Variants in TBX5 observed in about 807,000 individuals in gnomAD.
TBX5 encodes T-box transcription factor TBX5.
A neutral mutation model predicts 51.1 loss-of-function variants in TBX5; 8 were observed. The ratio of observed to expected loss-of-function variants is 0.16; its 90% CI spans 0.09 to 0.28. TBX5 has a LOEUF of 0.28. TBX5 is among the 10% of genes least tolerant of loss of function. The pLI is 1.00. For synonymous variants in TBX5, 302 were observed against 266.4 expected, an observed-to-expected ratio of 1.13 and a Z score of -1.30; for missense variants, 589 against 671.7, an observed-to-expected ratio of 0.88 and a Z score of 1.36.
Position 114,356,216 on chromosome 12 carries a change from A to G in TBX5, c.983-110T>C. The G allele has an allele frequency of 7.6e-6, 8 of 1,054,434 alleles. No homozygotes were observed. The South Asian group carries it at 1.0e-4, about 13-fold the overall frequency. The allele number at this position is 1,054,434 out of a possible 1,614,324, so 65.3% of individuals were successfully genotyped here. On this transcript the variant is annotated intron_variant, in intron 8 of 8. Transcript: ENST00000405440. Reference sequence around the variant, plus strand: ...GAAGAATAAGTCCTGAGAGACTGTTAGCCCTAACCGCCATTCTGAATACAA... The same window carrying G: ...GAAGAATAAGTCCTGAGAGACTGTTGGCCCTAACCGCCATTCTGAATACAA...
chr12:114,383,216 C>T (rs757096002), intron 7 of TBX5, among the ~76,000 whole-genome samples: 15 of 152,040 alleles, frequency 9.9e-5, no homozygotes, highest in Admixed American at 2.6e-4. Flanking sequence ...ATGGGCTGAC[C>T]ACACAGTCTA....
At chr12:114,378,619 CTGTTTTGTTTTGTT>C (rs944262108) in intron 7 of TBX5, among the ~76,000 whole-genome samples, 8 of 151,664 alleles carry the variant, frequency 5.3e-5, no homozygotes, top group African/African-American at 1.9e-4. Flanking sequence ...AACCTGTTTT[CTGTTTTGTTTTGTT>C]TGTTTTGTTT....
At chr12:114,407,135 C>G (rs928657377), upstream of TBX5, 85 of 983,650 alleles carry the variant, frequency 8.6e-5, no homozygotes, top group Non-Finnish European at 9.4e-5. Context: ...GACTGCTCTG[C>G]TAAAATCCCA....
intron 7 of TBX5, among the ~76,000 whole-genome samples, chr12:114,379,203 C>A (rs1157739356): frequency 6.6e-6 from 1 of 152,160 alleles, no homozygotes; most frequent in African/African-American, 2.4e-5. Context: ...CATGACCCAC[C>A]AATCACAGAC....
intron 7 of TBX5, among the ~76,000 whole-genome samples, chr12:114,370,288 G>GAAAAGAAAAGAAAAA (rs56105735): frequency 1.8e-5 from 1 of 56,686 alleles, no homozygotes; most frequent in Non-Finnish European, 4.4e-5. Flanking sequence ...GAAAAGAAAA[G>GAAAAGAAAAGAAAAA]AAAGAAAAGA....
At chr12:114,394,530 T>C (rs1192969322) in intron 6 of TBX5, among the ~76,000 whole-genome samples, 1 of 152,120 alleles carries the variant, frequency 6.6e-6, no homozygotes, top group African/African-American at 2.4e-5. Context: ...GGTGCATATG[T>C]GTGGTGGTGA....
intron 8 of TBX5, 74 bp downstream of exon 8, chr12:114,366,091 A>G: frequency 7.1e-7 from 1 of 1,412,454 alleles, no homozygotes; most frequent in Non-Finnish European, 1.0e-6. Context: ...AATACTCCTC[A>G]CCCCCTCACC....
intron 7 of TBX5, among the ~76,000 whole-genome samples, chr12:114,371,301 G>C (rs1017292763): frequency 4.6e-5 from 7 of 152,160 alleles, no homozygotes; most frequent in African/African-American, 1.7e-4. Context: ...GGGGTCCTGA[G>C]TACCTCAGCT....
chr12:114,403,559 A>G (rs1043778574), intron 2 of TBX5, among the ~76,000 whole-genome samples, 193 bp downstream of exon 2: 1 of 152,246 alleles, frequency 6.6e-6, no homozygotes. Context: ...ATACGCTAGC[A>G]TTTGGGGAGA....
intron 7 of TBX5, among the ~76,000 whole-genome samples, chr12:114,382,780 G>A (rs765355557): frequency 4.6e-5 from 7 of 152,162 alleles, no homozygotes; most frequent in Non-Finnish European, 8.8e-5. Context: ...CTGGATGACA[G>A]AGGGAGATTC....
Position 114,403,644 on chromosome 12 carries a change from G to T in TBX5, c.147+108C>A, listed in dbSNP as rs553619897. 3.1e-4 allele frequency: 464 copies of T among 1,489,204 alleles called. 3 individuals carry two copies. Among genetic ancestry groups the T allele is most frequent in the Middle Eastern group, 7.1e-4 (4 of 5,616 alleles). The allele number at this position is 1,489,204 out of a possible 1,614,324, so 92.2% of individuals were successfully genotyped here. On this transcript the variant is annotated intron_variant, in intron 2 of 8. Coordinates refer to ENST00000405440, the MANE Select transcript of TBX5 (RefSeq NM_181486.4). Reference sequence around the variant, plus strand: ...ATTATAGTCGTTGGGTTCGTTTTGGGGTTTTTTTATTTTGTTTTTGTTCTG... The same window carrying T: ...ATTATAGTCGTTGGGTTCGTTTTGGTGTTTTTTTATTTTGTTTTTGTTCTG...
chr12:114,406,946 T>C, upstream of TBX5: 1 of 617,244 alleles, frequency 1.6e-6, no homozygotes, highest in Non-Finnish European at 2.0e-6. Context: ...ACACCGAATA[T>C]TGGTGCTTGG....
chr12:114,408,185 G>C (rs1593892012), upstream of TBX5: 1 of 985,246 alleles, frequency 1.0e-6, no homozygotes, highest in South Asian at 4.7e-5. Flanking sequence ...CTCCGTCTTC[G>C]CCTATCAGTG....
chr12:114,387,655 T>C (rs757584951), intron 6 of TBX5, among the ~76,000 whole-genome samples: 4 of 152,168 alleles, frequency 2.6e-5, no homozygotes, highest in Non-Finnish European at 4.4e-5. Flanking sequence ...TAAGGTGAAC[T>C]ATGGACTCTG....
intron 3 of TBX5, among the ~76,000 whole-genome samples, chr12:114,401,262 C>T (rs937686859): frequency 1.3e-5 from 2 of 152,176 alleles, no homozygotes; most frequent in Non-Finnish European, 2.9e-5. Flanking sequence ...CGGCCGAGCC[C>T]CGGTTCAGTT....
chr12:114,397,806 C>G (rs1290740529), intron 5 of TBX5, among the ~76,000 whole-genome samples: 1 of 152,174 alleles, frequency 6.6e-6, no homozygotes, highest in Non-Finnish European at 1.5e-5. Flanking sequence ...CCGGGAGTAT[C>G]AAGCTAAAAA....
chr12:114,407,008 C>A (rs1257558622), upstream of TBX5: 1 of 972,988 alleles, frequency 1.0e-6, no homozygotes, highest in Non-Finnish European at 1.2e-6. Context: ...CCTGTACCCC[C>A]ATCATACTGA....
In TBX5 at chr12:114,403,783, G is replaced by C; in HGVS notation, c.116C>G (p.Pro39Arg). The change falls in exon 2 of 9, where the codon CCG (proline) becomes CGG (arginine). Residue 39 changes from proline to arginine, a missense_variant. Coordinates refer to ENST00000405440, the MANE Select transcript of TBX5 (RefSeq NM_181486.4). Reference sequence around the variant, plus strand: ...GGTGAAGGCGGCCTGCGGGGACGACGGGGACTTGCTGGGGGCCCCGAGCGC... The same window carrying C: ...GGTGAAGGCGGCCTGCGGGGACGACCGGGACTTGCTGGGGGCCCCGAGCGC... ...ESALGAPSKS[P>R]SSPQAAFTQQ... 1 of 1,613,904 alleles carries C rather than the reference G, an allele frequency of 6.2e-7. No individual in the cohort carries two copies. The highest frequency in any genetic ancestry group is 8.5e-7 in the Non-Finnish European group (1 of 1,180,002).
chr12:114,355,386 G>A lies in TBX5; in HGVS notation c.*146C>T, dbSNP rs1377188001. On this transcript the variant is annotated 3_prime_UTR_variant, in exon 9 of 9. Transcript: ENST00000405440. ...AAGCTACTGATTAGATCAGCATCCA[G>A]CGACCTTGAGTGCAGATGTGAACAT... The A allele has an allele frequency of 1.0e-6, 1 of 998,002 alleles. No individual in the cohort carries two copies. The allele number at this position is 998,002 out of a possible 1,614,324, so 61.8% of individuals were successfully genotyped here.
Sources: gnomAD v4.1 joint callset for allele counts (sites outside exome capture counted in the v4.1 genomes callset) on GRCh38, gnomAD v4.1.1 for gene constraint, MANE v1.5 for transcripts, NCBI Gene and HGNC (gene_info 2026-07-23, HGNC 2026-07-21) for gene names.